The following SGF29 variants were observed in gnomAD, a reference collection of about 807,000 sequenced individuals.
SGF29 encodes the protein SAGA complex associated factor 29.
A neutral mutation model predicts 38.1 loss-of-function variants in SGF29; 15 were observed. That is an observed-to-expected ratio of 0.39 (90% confidence interval 0.26 to 0.61). SGF29 has a LOEUF of 0.61. SGF29 is among the 20% of genes least tolerant of loss of function. The pLI is 0.49. For missense variants in SGF29, 184 were observed against 394.6 expected (o/e 0.47, Z 4.52); for synonymous variants, 151 against 160.8 (o/e 0.94, Z 0.46).
At chr16:28,581,752 C>T (rs146245023) in intron 2 of SGF29, among the ~76,000 whole-genome samples, 1,753 of 151,980 alleles carry the variant, frequency 0.012, 14 homozygotes, top group Non-Finnish European at 0.02. Flanking sequence ...TTGGCTGTCT[C>T]TACTAAAAAT....
intron 1 of SGF29, among the ~76,000 whole-genome samples, chr16:28,574,684 A>G (rs1703851746): frequency 6.6e-6 from 1 of 152,132 alleles, no homozygotes; most frequent in Admixed American, 6.5e-5. Flanking sequence ...ACCTTCCCTG[A>G]TCTGGCCACT....
At chr16:28,588,700 G>A (rs117985404) in intron 4 of SGF29, 5,669 of 391,724 alleles carry the variant, frequency 0.014, 58 homozygotes, top group Non-Finnish European at 0.021. Context: ...AAGTAGGTGG[G>A]ATTACAGTTA....
At position 28,554,914 on chromosome 16, in the gene SGF29, A is replaced by G. The variant is rs994333990; in HGVS notation, c.-16+817A>G. Among the ~76,000 whole-genome samples, 9 of 152,320 alleles carry G rather than the reference A, an allele frequency of 5.9e-5. No individual in the cohort carries two copies. In the South Asian group the frequency reaches 1.9e-3, roughly 32 times the overall value. ...TGCCCCTCCTTGAAACACTGTTTTC[A>G]TTTGGCTTGCTGAACGTTCTCTTCC... On this transcript the variant is annotated intron_variant, in intron 1 of 9. Coordinates refer to ENST00000317058, the MANE Select transcript of SGF29 (RefSeq NM_138414.3).
chr16:28,565,333 A>G (rs937346294), intron 1 of SGF29, among the ~76,000 whole-genome samples: 2 of 152,134 alleles, frequency 1.3e-5, no homozygotes, highest in African/African-American at 4.8e-5. Context: ...GTTGTTACCT[A>G]GGATTAACCA....
intron 1 of SGF29, among the ~76,000 whole-genome samples, chr16:28,569,378 G>A (rs948687519): frequency 6.6e-6 from 1 of 152,196 alleles, no homozygotes; most frequent in African/African-American, 2.4e-5. Flanking sequence ...TGAAAAAGTA[G>A]GCTGGGCACA....
In SGF29 at chr16:28,589,165, G is replaced by T; in HGVS notation, c.289+1G>T. 6.2e-7 allele frequency: 1 copy of T among 1,614,130 alleles called. No individual in the cohort carries two copies. Among genetic ancestry groups the T allele is most frequent in the Non-Finnish European group, 8.5e-7 (1 of 1,179,956 alleles). On this transcript the variant is annotated splice_donor_variant, in intron 5 of 9. Coordinates refer to ENST00000317058, the MANE Select transcript of SGF29 (RefSeq NM_138414.3). LOFTEE classifies it high-confidence loss of function. ...TCTCTGTTGGAAGAGAGGCGGATTG[G>T]TGAGTGGGAGAGAACATGCTGGGAG...
At chr16:28,575,871 A>G (rs1252489208) in intron 1 of SGF29, among the ~76,000 whole-genome samples, 3 of 152,188 alleles carry the variant, frequency 2.0e-5, no homozygotes, top group East Asian at 1.9e-4. Flanking sequence ...GAGGCCAGGC[A>G]TGGTGGCTCA....
At chr16:28,573,252 C>T (rs1231639012) in intron 1 of SGF29, among the ~76,000 whole-genome samples, 4 of 152,074 alleles carry the variant, frequency 2.6e-5, no homozygotes, top group Non-Finnish European at 5.9e-5. Context: ...CAGGCTCCAG[C>T]CCAGAGGAGG....
At position 28,553,928 on chromosome 16, in the gene SGF29, C is replaced by T. The variant is rs1801792072; in HGVS notation, c.-185C>T. 1 of 141,990 alleles carries T rather than the reference C, an allele frequency of 7.0e-6. No homozygotes were observed. The highest frequency in any genetic ancestry group is 1.6e-5 in the Non-Finnish European group (1 of 64,392). The allele number at this position is 141,990 out of a possible 1,614,324, so 8.8% of individuals were successfully genotyped here. A position where few individuals can be genotyped will look rare whatever the true frequency, so the allele number is the denominator to read the frequency against. On this transcript the variant is annotated 5_prime_UTR_variant, in exon 1 of 10. Coordinates refer to ENST00000317058, the MANE Select transcript of SGF29 (RefSeq NM_138414.3). ...ACGCATGCGTGCAAGGTCCTCCGCG[C>T]GCGACTACGCTCATAAAAGGAAAAA...
intron 1 of SGF29, among the ~76,000 whole-genome samples, chr16:28,564,539 G>GTA (rs201825145): frequency 2.2e-4 from 20 of 89,030 alleles, no homozygotes; most frequent in South Asian, 8.4e-4. Context: ...ATATATATAT[G>GTA]TATATATATA....
chr16:28,581,239 C>T (rs916360675), intron 2 of SGF29, 95 bp downstream of exon 2: 1 of 1,097,662 alleles, frequency 9.1e-7, no homozygotes, highest in East Asian at 2.4e-5. Flanking sequence ...AGAGATTGGA[C>T]TCGCAGGAAC....
At position 28,580,920 on chromosome 16, in the gene SGF29, A is replaced by G. The variant is rs1210871724; in HGVS notation, c.-15-135A>G. On this transcript the variant is annotated intron_variant, in intron 1 of 9. Transcript: ENST00000317058. The stretch of plus-strand genomic sequence containing the variant: ...GGTCTTGAACTCCTGGCCTCAAGCA[A>G]TCCTCCCGCCTTGGCCTCCCAAAGT... 18 of 664,626 alleles carry G rather than the reference A, an allele frequency of 2.7e-5. 1 individual carries two copies. Among genetic ancestry groups the G allele is most frequent in the African/African-American group, 7.2e-5 (4 of 55,376 alleles). The allele number at this position is 664,626 out of a possible 1,614,324, so 41.2% of individuals were successfully genotyped here. A position where few individuals can be genotyped will look rare whatever the true frequency, so the allele number is the denominator to read the frequency against.
intron 1 of SGF29, among the ~76,000 whole-genome samples, chr16:28,564,765 A>ACATATATATG (rs1567286199): frequency 5.6e-4 from 33 of 58,804 alleles, no homozygotes; most frequent in South Asian, 8.3e-4. Flanking sequence ...GTATATATGT[A>ACATATATATG]TATATATGTA....
intron 1 of SGF29, among the ~76,000 whole-genome samples, chr16:28,563,715 C>CTTCTTT (rs2046803569): frequency 1.2e-5 from 1 of 80,826 alleles, no homozygotes; most frequent in African/African-American, 4.7e-5. Context: ...GAGAAACAGA[C>CTTCTTT]TTTTTTTTTT....
At position 28,589,426 on chromosome 16, in the gene SGF29, G is replaced by A. The variant is rs192746632; in HGVS notation, c.289+262G>A. On this transcript the variant is annotated intron_variant, in intron 5 of 9. Transcript: ENST00000317058. ...ATCTCCTGCCCCTTCTGGGGCCTGG[G>A]CCAGTCGCCCCCTCCTCTGCCATGG... is the stretch of plus-strand genomic sequence containing the variant. 363 of 464,788 alleles carry A rather than the reference G, an allele frequency of 7.8e-4. 2 individuals are homozygous for A. In the Middle Eastern group the frequency reaches 0.019, roughly 24 times the overall value. 28.8% of individuals were successfully genotyped at this position (464,788 alleles called of 1,614,324 possible). A position where few individuals can be genotyped will look rare whatever the true frequency, so the allele number is the denominator to read the frequency against.
At position 28,591,532 on chromosome 16, in the gene SGF29, G is replaced by A. The variant is rs1294369750; in HGVS notation, c.766-58G>A. 5.9e-6 allele frequency: 7 copies of A among 1,196,534 alleles called. No homozygotes were observed. The African/African-American group carries it at 9.0e-5, about 15-fold the overall frequency. The allele number at this position is 1,196,534 out of a possible 1,614,324, so 74.1% of individuals were successfully genotyped here. ...CCTGTGGTCTAGGCTGGGGGAAGGG[G>A]GTGCCTGTCCTGGCCTGGGGGTCTC... On this transcript the variant is annotated intron_variant, in intron 9 of 9. Coordinates refer to ENST00000317058, the MANE Select transcript of SGF29 (RefSeq NM_138414.3).
At chr16:28,585,756 C>T (rs1245848660) in intron 4 of SGF29, 36 bp downstream of exon 4, 2 of 1,594,308 alleles carry the variant, frequency 1.3e-6, no homozygotes, top group African/African-American at 2.7e-5. Flanking sequence ...GCCGCTCCCT[C>T]CTTTCCTGGG....
intron 1 of SGF29, 189 bp downstream of exon 1, chr16:28,554,286 T>C (rs2046732096): frequency 6.6e-6 from 1 of 150,776 alleles, no homozygotes; most frequent in Non-Finnish European, 1.5e-5. Flanking sequence ...GGGCCGGGGC[T>C]CGGGGAGGGC....
chr16:28,564,578 C>T (rs558548), intron 1 of SGF29, among the ~76,000 whole-genome samples: 46,697 of 107,420 alleles, frequency 0.43, 10,623 homozygotes, highest in Non-Finnish European at 0.48. Context: ...TATATATATA[C>T]ACGTATATAT....
Sources: gnomAD v4.1 joint callset for allele counts (sites outside exome capture counted in the v4.1 genomes callset) on GRCh38, gnomAD v4.1.1 for gene constraint, MANE v1.5 for transcripts, NCBI Gene and HGNC (gene_info 2026-07-23, HGNC 2026-07-21) for gene names.